The following ADGRG6 variants were observed in gnomAD, a reference collection of about 807,000 sequenced individuals.
The protein encoded by ADGRG6 is G-protein coupled receptor 126.
A neutral mutation model predicts 142.4 loss-of-function variants in ADGRG6; 84 were observed. That is an observed-to-expected ratio of 0.59 (90% CI 0.49 to 0.71). The LOEUF (loss-of-function observed/expected upper bound fraction) is 0.71. Ranked by LOEUF, ADGRG6 falls within the 30% of genes least tolerant of loss-of-function variation. The pLI is 0.00. For missense variants in ADGRG6, 1,367 were observed against 1,466.6 expected (o/e 0.93, Z 1.11); for synonymous variants, 521 against 520.5 (o/e 1.00, Z -0.01).
In ADGRG6 at chr6:142,437,117, A is replaced by T. The variant is rs117161676; in HGVS notation, c.3320-317A>T. ...ATAATTTTAGGACAAATATATGGGA[A>T]ATACTAAATACTTCTAGAATTGAAT... On this transcript the variant is annotated intron_variant, in intron 22 of 24. Transcript: ENST00000367609. 1.6e-3 allele frequency among the ~76,000 whole-genome samples: 238 copies of T among 152,322 alleles called. 6 individuals carry two copies. The East Asian group carries it at 0.037, about 24-fold the overall frequency.
chr6:142,307,576 G>T (rs1166242483), intron 1 of ADGRG6, among the ~76,000 whole-genome samples: 2 of 151,870 alleles, frequency 1.3e-5, no homozygotes, highest in African/African-American at 2.4e-5. Flanking sequence ...AGTTCTTTTT[G>T]GTGGGTAATA....
At chr6:142,319,978 G>A (rs1020985457) in intron 2 of ADGRG6, among the ~76,000 whole-genome samples, 1 of 152,080 alleles carries the variant, frequency 6.6e-6, no homozygotes, top group Non-Finnish European at 1.5e-5. Flanking sequence ...GTTAAAATAG[G>A]TTAAAAGTAT....
At chr6:142,359,559 G>A (rs1780619073) in intron 2 of ADGRG6, among the ~76,000 whole-genome samples, 1 of 152,102 alleles carries the variant, frequency 6.6e-6, no homozygotes, top group African/African-American at 2.4e-5. Context: ...TTCTTGATTT[G>A]GTTAGAAATG....
intron 20 of ADGRG6, 197 bp from the exon 21 acceptor site, chr6:142,417,076 T>C: frequency 1.6e-6 from 1 of 620,680 alleles, no homozygotes; most frequent in Non-Finnish European, 2.9e-6. Context: ...CCAGTTAGAG[T>C]TGGACATTGA....
chr6:142,402,944 T>C (rs1259501533), intron 13 of ADGRG6, 114 bp downstream of exon 13: 1 of 584,672 alleles, frequency 1.7e-6, no homozygotes, highest in Non-Finnish European at 2.9e-6. Flanking sequence ...CTCTGCAAGA[T>C]GTATTGATAG....
intron 9 of ADGRG6, among the ~76,000 whole-genome samples, chr6:142,396,315 T>C (rs1277371893): frequency 1.3e-5 from 2 of 152,198 alleles, no homozygotes; most frequent in Admixed American, 6.5e-5. Context: ...ATATTCATTA[T>C]GTTTGCCTCA....
At chr6:142,341,489 T>C (rs1432502590) in intron 2 of ADGRG6, among the ~76,000 whole-genome samples, 15 of 118,284 alleles carry the variant, frequency 1.3e-4, no homozygotes, top group East Asian at 4.2e-4. Flanking sequence ...ATATATACTA[T>C]ATAATATTAT....
At chr6:142,404,368 C>T (rs769360215) in intron 14 of ADGRG6, 8 of 193,530 alleles carry the variant, frequency 4.1e-5, no homozygotes, top group South Asian at 3.0e-4. Context: ...AGGCTGGGCG[C>T]GGTCTCTCAA....
chr6:142,443,424 A>G lies in ADGRG6; in HGVS notation c.3662A>G (p.Asp1221Gly). Reference protein sequence around the residue: ...TSIIPVHQVIDKVKGYCNAHS... With the variant: ...TSIIPVHQVIGKVKGYCNAHS... Reference sequence around the variant, plus strand: ...ATCATCCCTGTCCATCAGGTCATTGATAAGGTCAAGGGTTATTGCAATGCT... The same window carrying G: ...ATCATCCCTGTCCATCAGGTCATTGGTAAGGTCAAGGGTTATTGCAATGCT... Residue 1221 changes from aspartate to glycine, a missense_variant, in exon 25 of 25, where the codon GAT (aspartate) becomes GGT (glycine). Physicochemically the swap from Asp to Gly is moderately conservative, Grantham distance 94 (BLOSUM62 -1). Transcript: ENST00000367609. The G allele has an allele frequency of 1.9e-6, 3 of 1,611,524 alleles. No homozygotes were observed. The highest frequency in any genetic ancestry group is 2.5e-6 in the Non-Finnish European group (3 of 1,177,820).
chr6:142,348,095 G>T (rs1485012562), intron 2 of ADGRG6, among the ~76,000 whole-genome samples: 5 of 152,042 alleles, frequency 3.3e-5, no homozygotes, highest in African/African-American at 1.2e-4. Flanking sequence ...TTTTGTGGTT[G>T]GATTTTTCTG....
In ADGRG6 at chr6:142,408,402, G is replaced by A. The variant is rs1041417833; in HGVS notation, c.2388+133G>A. On this transcript the variant is annotated intron_variant, in intron 16 of 24. Transcript: ENST00000367609. The stretch of plus-strand genomic sequence containing the variant: ...TAGGGCCCAGTTTTCTATAAAGAGA[G>A]AACAACTGATCAGGTAGTGCTTTAA... 5.2e-6 allele frequency: 3 copies of A among 573,148 alleles called. No individual in the cohort carries two copies. In the African/African-American group the frequency reaches 5.6e-5, roughly 11 times the overall value. 35.5% of individuals were successfully genotyped at this position (573,148 alleles called of 1,614,324 possible).
At chr6:142,442,416 A>G (rs1227836778) in intron 24 of ADGRG6, among the ~76,000 whole-genome samples, 1 of 152,166 alleles carries the variant, frequency 6.6e-6, no homozygotes, top group Non-Finnish European at 1.5e-5. Flanking sequence ...CTTTATAGAT[A>G]ATAGAGCATA....
chr6:142,370,651 C>A lies in ADGRG6; in HGVS notation c.927C>A (p.Asn309Lys). 6.2e-7 allele frequency: 1 copy of A among 1,613,790 alleles called. No individual in the cohort carries two copies. The highest frequency in any genetic ancestry group is 8.5e-7 in the Non-Finnish European group (1 of 1,179,786). ...TCTCTCTAAAAGGGGACATTTATAA[C>A]TTTCGACTTTGGAATTTTACCATGA... Reference protein sequence around the residue: ...EIVSLKGDIYNFRLWNFTMNA... With the variant: ...EIVSLKGDIYKFRLWNFTMNA... Residue 309 changes from asparagine to lysine, a missense_variant, in exon 4 of 25, where the codon AAC becomes AAA. Asn to Lys is a moderately conservative substitution (Grantham distance 94). Coordinates refer to ENST00000367609, the MANE Select transcript of ADGRG6 (RefSeq NM_198569.3).
chr6:142,413,029 T>TTTTATA (rs1554252804), intron 18 of ADGRG6, among the ~76,000 whole-genome samples: 2 of 150,100 alleles, frequency 1.3e-5, no homozygotes, highest in African/African-American at 4.9e-5. Context: ...GAATGGTTAA[T>TTTTATA]TATATATATA....
intron 22 of ADGRG6, among the ~76,000 whole-genome samples, chr6:142,423,577 G>A (rs1319071143): frequency 6.8e-6 from 1 of 147,294 alleles, no homozygotes; most frequent in South Asian, 2.2e-4. Flanking sequence ...CTGTAGCCTT[G>A]TAGTATAGTT....
At chr6:142,425,936 C>T (rs1386159626) in intron 22 of ADGRG6, among the ~76,000 whole-genome samples, 2 of 152,174 alleles carry the variant, frequency 1.3e-5, no homozygotes, top group Admixed American at 6.6e-5. Context: ...CATTTACTAT[C>T]ACGATAACAG....
At chr6:142,392,189 G>A (rs1336257173) in intron 7 of ADGRG6, among the ~76,000 whole-genome samples, 2 of 151,928 alleles carry the variant, frequency 1.3e-5, no homozygotes, top group South Asian at 4.1e-4. Context: ...GAGGCTAAAT[G>A]TGTGTATGAA....
intron 6 of ADGRG6, 42 bp downstream of exon 6, chr6:142,383,885 T>TA (rs1305130810): frequency 2.1e-6 from 2 of 957,326 alleles, no homozygotes; most frequent in South Asian, 2.7e-5. Flanking sequence ...ATGTCTAACA[T>TA]AAAAAATTGT....
At chr6:142,313,158 A>T (rs1777851794) in intron 2 of ADGRG6, among the ~76,000 whole-genome samples, 2 of 152,040 alleles carry the variant, frequency 1.3e-5, no homozygotes, top group African/African-American at 4.8e-5. Context: ...ATCTGAAAAA[A>T]AGCTGATGAA....
Sources: gnomAD v4.1 joint callset for allele counts (sites outside exome capture counted in the v4.1 genomes callset) on GRCh38, gnomAD v4.1.1 for gene constraint, MANE v1.5 for transcripts, NCBI Gene and HGNC (gene_info 2026-07-23, HGNC 2026-07-21) for gene names.